Variants in DACH1 observed in about 807,000 individuals in gnomAD.
The protein encoded by DACH1 is dachshund homolog 1.
DACH1 carries 12 observed loss-of-function variants against 54.2 expected under a neutral mutation model. The ratio of observed to expected loss-of-function variants is 0.22; its 90% CI spans 0.14 to 0.36. The LOEUF (loss-of-function observed/expected upper bound fraction) is 0.36. Ranked by LOEUF, DACH1 falls within the 10% of genes least tolerant of loss-of-function variation. The probability of loss-of-function intolerance (pLI) is 1.00; values close to 1 mark genes in which losing one functional copy is unlikely to be tolerated. For missense variants in DACH1, 805 were observed against 929.8 expected (o/e 0.87, Z 1.75); for synonymous variants, 386 against 366.2 (o/e 1.05, Z -0.62).
At chr13:71,496,241 A>T (rs527324763) in intron 6 of DACH1, among the ~76,000 whole-genome samples, 5 of 133,664 alleles carry the variant, frequency 3.7e-5, no homozygotes, top group African/African-American at 5.7e-5. Flanking sequence ...TTGTCTCCCA[A>T]AAAACAAAAA....
At chr13:71,492,322 G>T (rs1250629659) in intron 6 of DACH1, among the ~76,000 whole-genome samples, 1 of 152,066 alleles carries the variant, frequency 6.6e-6, no homozygotes, top group Non-Finnish European at 1.5e-5. Context: ...AGATCATTTT[G>T]GTTTAGGATG....
At chr13:71,611,330 C>T (rs1372947197) in intron 3 of DACH1, among the ~76,000 whole-genome samples, 1 of 152,134 alleles carries the variant, frequency 6.6e-6, no homozygotes, top group Non-Finnish European at 1.5e-5. Context: ...TCAATATCAT[C>T]TTGTGTACTG....
chr13:71,858,854 T>C (rs1009236999), intron 1 of DACH1, among the ~76,000 whole-genome samples: 2 of 151,664 alleles, frequency 1.3e-5, no homozygotes, highest in African/African-American at 4.8e-5. Context: ...TTATTATAGA[T>C]ACTTCAGTTA....
At chr13:71,781,605 C>T (rs1425857080) in intron 1 of DACH1, among the ~76,000 whole-genome samples, 1 of 151,990 alleles carries the variant, frequency 6.6e-6, no homozygotes, top group East Asian at 1.9e-4. Flanking sequence ...GTCTCGATCT[C>T]CTGACCTCGT....
intron 1 of DACH1, among the ~76,000 whole-genome samples, chr13:71,741,495 C>T (rs1027816486): frequency 1.3e-5 from 2 of 152,116 alleles, no homozygotes; most frequent in Non-Finnish European, 2.9e-5. Flanking sequence ...GAAAATCCTA[C>T]AATCCACTTC....
intron 1 of DACH1, among the ~76,000 whole-genome samples, chr13:71,853,311 T>C (rs1873790554): frequency 6.6e-6 from 1 of 152,174 alleles, no homozygotes; most frequent in Admixed American, 6.5e-5. Flanking sequence ...TCTTTCTGCC[T>C]ACTTTCTTTT....
At chr13:71,708,013 C>T (rs1882528640) in intron 1 of DACH1, among the ~76,000 whole-genome samples, 1 of 151,770 alleles carries the variant, frequency 6.6e-6, no homozygotes, top group Non-Finnish European at 1.5e-5. Context: ...AGTAATCTAA[C>T]TTCTTTTTCT....
chr13:71,827,872 T>C (rs1264503350), intron 1 of DACH1, among the ~76,000 whole-genome samples: 2 of 152,046 alleles, frequency 1.3e-5, no homozygotes, highest in East Asian at 1.9e-4. Flanking sequence ...GGGCTCCTTT[T>C]TTGAAAACCA....
At chr13:71,512,902 T>C (rs1222040898) in intron 6 of DACH1, among the ~76,000 whole-genome samples, 3 of 151,890 alleles carry the variant, frequency 2.0e-5, no homozygotes, top group East Asian at 1.9e-4. Context: ...TTAAAGATTA[T>C]ACATTTTTAA....
At position 71,666,526 on chromosome 13, in the gene DACH1, C is replaced by T. The variant is rs1415020323; in HGVS notation, c.964+15269G>A. Among the ~76,000 whole-genome samples, 5 of 151,964 alleles carry T rather than the reference C, an allele frequency of 3.3e-5. No homozygotes were observed. In the South Asian group the frequency reaches 8.3e-4, roughly 25 times the overall value. On this transcript the variant is annotated intron_variant, in intron 2 of 10. Transcript: ENST00000613252. ...ACTAATTGGGTTTCCAACTATGCTACTTATGAAATGCTAAACTTATGCATT... is the reference window on the plus strand; with the variant it reads ...ACTAATTGGGTTTCCAACTATGCTATTTATGAAATGCTAAACTTATGCATT...
chr13:71,809,139 C>A (rs997011203), intron 1 of DACH1, among the ~76,000 whole-genome samples: 10 of 152,108 alleles, frequency 6.6e-5, no homozygotes, highest in African/African-American at 2.4e-4. Flanking sequence ...CTATCTAAAT[C>A]TTTCATGTGA....
intron 9 of DACH1, 82 bp from the exon 10 acceptor site, chr13:71,475,291 T>A: frequency 4.4e-6 from 5 of 1,123,774 alleles, no homozygotes; most frequent in Non-Finnish European, 6.7e-6. Context: ...ACCTGTTACT[T>A]TGGTGCTGAA....
chr13:71,452,181 G>A (rs1875121130), intron 10 of DACH1, among the ~76,000 whole-genome samples: 1 of 152,136 alleles, frequency 6.6e-6, no homozygotes, highest in Non-Finnish European at 1.5e-5. Flanking sequence ...CCAGGCTGGA[G>A]TGCAATGGCA....
intron 1 of DACH1, among the ~76,000 whole-genome samples, chr13:71,860,511 C>A (rs76084042): frequency 0.11 from 15,793 of 143,136 alleles, 1,082 homozygotes; most frequent in Admixed American, 0.25. Context: ...AAGATAAATT[C>A]AAACAAAGTT....
At chr13:71,516,017 T>C (rs1479749681) in intron 6 of DACH1, among the ~76,000 whole-genome samples, 1 of 151,878 alleles carries the variant, frequency 6.6e-6, no homozygotes, top group African/African-American at 2.4e-5. Context: ...TTCACGCTTA[T>C]GGAAACAATA....
At chr13:71,822,574 C>T (rs1348563587) in intron 1 of DACH1, among the ~76,000 whole-genome samples, 4 of 152,018 alleles carry the variant, frequency 2.6e-5, no homozygotes, top group East Asian at 1.9e-4. Flanking sequence ...CCTCGATTAG[C>T]GTTAATTTTC....
intron 6 of DACH1, among the ~76,000 whole-genome samples, chr13:71,498,275 C>A (rs895519443): frequency 7.2e-5 from 11 of 152,046 alleles, no homozygotes; most frequent in African/African-American, 2.7e-4. Context: ...ATCATCTAGT[C>A]GCAGCTACCT....
chr13:71,719,902 G>A (rs554809155), intron 1 of DACH1, among the ~76,000 whole-genome samples: 2 of 152,168 alleles, frequency 1.3e-5, no homozygotes, highest in East Asian at 3.9e-4. Flanking sequence ...TCCCCAGGAA[G>A]CCTTATTGAA....
rs74099147 is a variant in DACH1 at position 71,818,607 on chromosome 13, A to G, written c.848+47315T>C. ...TGCCTCTTCAAGGAAGCCACTTCCT[A>G]TTTGGTCATCTTGTCTCTACTCTTG... is the stretch of plus-strand genomic sequence containing the variant. On this transcript the variant is annotated intron_variant, in intron 1 of 10. Transcript: ENST00000613252. Among the ~76,000 whole-genome samples, 197 of 152,310 alleles carry G rather than the reference A, an allele frequency of 1.3e-3. 2 individuals are homozygous for G. Among genetic ancestry groups the G allele is most frequent in the African/African-American group, 4.6e-3 (193 of 41,582 alleles).
Sources: allele counts gnomAD v4.1 joint callset (sites outside exome capture counted in the v4.1 genomes callset), GRCh38; gene constraint gnomAD v4.1.1; transcripts MANE v1.5; gene names NCBI Gene and HGNC (gene_info 2026-07-23, HGNC 2026-07-21).